Variants in ECT2L observed in about 807,000 individuals in gnomAD.
ECT2L encodes epithelial cell-transforming sequence 2 oncogene-like.
Under a neutral mutation model 122.8 loss-of-function variants are expected in ECT2L, and 126 were observed. That is an observed-to-expected ratio of 1.03 (90% confidence interval 0.89 to 1.19). The LOEUF (loss-of-function observed/expected upper bound fraction) is 1.19. ECT2L is among the 50% of genes most tolerant of loss of function. The pLI is 0.00. For synonymous variants in ECT2L, 385 were observed against 381.8 expected (o/e 1.01, Z -0.10); for missense variants, 1,012 against 1,064.1 (o/e 0.95, Z 0.68).
chr6:138,811,903 G>T lies in ECT2L; in HGVS notation c.-243-935G>T, dbSNP rs373703731. Among the ~76,000 whole-genome samples, 22 of 152,144 alleles carry T rather than the reference G, an allele frequency of 1.4e-4. 1 individual carries two copies. Among genetic ancestry groups the T allele is most frequent in the Admixed American group, 3.9e-4 (6 of 15,264 alleles). ...GGGGTTTCATCATGTTGGCCAGGCTGGTCTCAAACTCCTGGCCTCAAGTGA... is the reference window on the plus strand; with the variant it reads ...GGGGTTTCATCATGTTGGCCAGGCTTGTCTCAAACTCCTGGCCTCAAGTGA... On this transcript the variant is annotated intron_variant, in intron 1 of 21. Coordinates refer to ENST00000541398, the MANE Select transcript of ECT2L (RefSeq NM_001077706.3).
At position 138,868,178 on chromosome 6, in the gene ECT2L, G is replaced by T. The variant is rs1294954715; in HGVS notation, c.1550G>T (p.Gly517Val). Residue 517 changes from glycine to valine, a missense_variant, in exon 13 of 22, where the codon GGA becomes GTA. Gly to Val is a moderately radical substitution (Grantham distance 109, BLOSUM62 -3). Coordinates refer to ENST00000541398, the MANE Select transcript of ECT2L (RefSeq NM_001077706.3). Reference protein sequence around the residue: ...NQDTAQALADGLMELSKEDSE... With the variant: ...NQDTAQALADVLMELSKEDSE... ...GATACTGCGCAAGCTCTGGCAGATG[G>T]ATTGATGGAGTTGTCAAAAGAAGAT... The T allele has an allele frequency of 6.2e-7, 1 of 1,613,454 alleles. No individual in the cohort carries two copies. Among genetic ancestry groups the T allele is most frequent in the Admixed American group, 1.7e-5 (1 of 59,972 alleles).
chr6:138,887,027 T>C, intron 19 of ECT2L, 105 bp downstream of exon 19: 2 of 899,552 alleles, frequency 2.2e-6, no homozygotes, highest in South Asian at 2.8e-5. Flanking sequence ...ATTTGTGGAA[T>C]GCCTGCTACG....
intron 18 of ECT2L, 119 bp downstream of exon 18, chr6:138,885,949 C>A (rs763949267): frequency 9.9e-7 from 1 of 1,007,930 alleles, no homozygotes; most frequent in Admixed American, 2.6e-5. Context: ...TAAAGTCTTT[C>A]ATCCTTTTAA....
chr6:138,796,736 A>C (rs1775359208), intron 1 of ECT2L, among the ~76,000 whole-genome samples: 1 of 152,244 alleles, frequency 6.6e-6, no homozygotes, highest in African/African-American at 2.4e-5. Context: ...GTACTTTAAA[A>C]TATCGATTTA....
chr6:138,811,806 GTAGCTGGGAT>G (rs1323524212), intron 1 of ECT2L, among the ~76,000 whole-genome samples: 2 of 152,136 alleles, frequency 1.3e-5, no homozygotes, highest in South Asian at 2.1e-4. Context: ...AGCCTCCGAA[GTAGCTGGGAT>G]TAGCTGGGAT....
At chr6:138,885,451 A>G in intron 16 of ECT2L, 55 bp from the exon 17 acceptor site, 1 of 1,555,248 alleles carries the variant, frequency 6.4e-7, no homozygotes, top group Non-Finnish European at 8.9e-7. Context: ...TCAGTGGAAC[A>G]GTGGACTTTA....
At chr6:138,897,293 A>G (rs1779247565) in intron 20 of ECT2L, among the ~76,000 whole-genome samples, 1 of 152,182 alleles carries the variant, frequency 6.6e-6, no homozygotes. Context: ...CCCCACACCC[A>G]TGGGTTCAAC....
intron 5 of ECT2L, among the ~76,000 whole-genome samples, chr6:138,840,602 A>T (rs1192969456): frequency 6.6e-6 from 1 of 152,062 alleles, no homozygotes; most frequent in Non-Finnish European, 1.5e-5. Context: ...TTTTTTATAG[A>T]ACTTTGAAAA....
chr6:138,885,110 G>A (rs1371511162), intron 16 of ECT2L, among the ~76,000 whole-genome samples: 5 of 139,840 alleles, frequency 3.6e-5, no homozygotes, highest in Admixed American at 7.9e-5. Flanking sequence ...ATCACTGCAA[G>A]CTCCGCCTCA....
At chr6:138,865,407 C>T (rs1778001303) in intron 12 of ECT2L, among the ~76,000 whole-genome samples, 1 of 152,016 alleles carries the variant, frequency 6.6e-6, no homozygotes. Flanking sequence ...AACATTTTAC[C>T]ACCTTATTAA....
At chr6:138,860,707 A>ATTTTTT (rs35611410) in intron 10 of ECT2L, among the ~76,000 whole-genome samples, 14 of 135,786 alleles carry the variant, frequency 1.0e-4, no homozygotes, top group African/African-American at 2.5e-4. Context: ...TGAAGGGGCT[A>ATTTTTT]TTTTTTTTTT....
At chr6:138,847,702 C>A (rs994653777) in intron 8 of ECT2L, among the ~76,000 whole-genome samples, 4 of 151,994 alleles carry the variant, frequency 2.6e-5, no homozygotes, top group South Asian at 2.1e-4. Context: ...TTAACTGAGG[C>A]CTTTTAACTG....
At chr6:138,798,631 G>A (rs1028053670) in intron 1 of ECT2L, among the ~76,000 whole-genome samples, 1 of 152,140 alleles carries the variant, frequency 6.6e-6, no homozygotes, top group Non-Finnish European at 1.5e-5. Flanking sequence ...AAGTGCCAAT[G>A]TCAATTTCCG....
At chr6:138,817,218 A>C (rs761580351) in intron 4 of ECT2L, among the ~76,000 whole-genome samples, 2 of 152,214 alleles carry the variant, frequency 1.3e-5, no homozygotes, top group Non-Finnish European at 2.9e-5. Flanking sequence ...GTAAATAATT[A>C]TTATAAATAG....
chr6:138,819,458 T>C (rs1204552363), intron 4 of ECT2L, among the ~76,000 whole-genome samples: 2 of 152,062 alleles, frequency 1.3e-5, no homozygotes, highest in African/African-American at 4.8e-5. Flanking sequence ...CACCTGACAC[T>C]ATGTGACATG....
rs1777232710 is a variant in ECT2L at position 138,846,652 on chromosome 6, T to C, written c.878T>C (p.Ile293Thr). The C allele has an allele frequency of 3.7e-6, 6 of 1,606,776 alleles. No homozygotes were observed. The highest frequency in any genetic ancestry group is 1.7e-4 in the Middle Eastern group (1 of 6,024). ...GCTCTCCGGCCACACTTCATGTTAATATCATCCCGGATTCCTGCGTATGAG... is the reference window on the plus strand; with the variant it reads ...GCTCTCCGGCCACACTTCATGTTAACATCATCCCGGATTCCTGCGTATGAG... Reference protein sequence around the residue: ...SYALRPHFMLISSRIPAYEMV... With the variant: ...SYALRPHFMLTSSRIPAYEMV... Residue 293 changes from isoleucine (I) to threonine (T), a missense_variant, in exon 8 of 22, where the codon ATA becomes ACA. Coordinates refer to ENST00000541398, the MANE Select transcript of ECT2L (RefSeq NM_001077706.3).
At chr6:138,815,496 C>T (rs997802207) in intron 4 of ECT2L, among the ~76,000 whole-genome samples, 4 of 152,090 alleles carry the variant, frequency 2.6e-5, no homozygotes, top group African/African-American at 9.7e-5. Flanking sequence ...AGATAAAAAG[C>T]CTTATGTTAG....
chr6:138,884,040 A>T (rs1026075462), intron 16 of ECT2L, among the ~76,000 whole-genome samples: 4 of 151,920 alleles, frequency 2.6e-5, no homozygotes, highest in Non-Finnish European at 4.4e-5. Flanking sequence ...ATTTTTTTGT[A>T]TTTTTTGTAG....
At chr6:138,841,682 A>C (rs1444087150) in intron 5 of ECT2L, among the ~76,000 whole-genome samples, 3 of 152,212 alleles carry the variant, frequency 2.0e-5, no homozygotes, top group Non-Finnish European at 4.4e-5. Flanking sequence ...TGGAACTGAC[A>C]AATGCCTTGA....
Sources: gnomAD v4.1 joint callset for allele counts (sites outside exome capture counted in the v4.1 genomes callset) on GRCh38, gnomAD v4.1.1 for gene constraint, MANE v1.5 for transcripts, NCBI Gene and HGNC (gene_info 2026-07-23, HGNC 2026-07-21) for gene names.